The following EZH1 variants were observed in gnomAD, a reference collection of about 807,000 sequenced individuals.
EZH1 encodes the protein enhancer of zeste 1 polycomb repressive complex 2 subunit, also known as histone-lysine N-methyltransferase EZH1.
Under a neutral mutation model 100.5 loss-of-function variants are expected in EZH1, and 33 were observed. That is an observed-to-expected ratio of 0.33 (90% CI 0.25 to 0.44). EZH1 has a LOEUF of 0.44. EZH1 is among the 20% of genes least tolerant of loss of function. The pLI is 1.00. For missense variants in EZH1, 475 were observed against 928.4 expected (o/e 0.51, Z 6.35); for synonymous variants, 272 against 313.8 (o/e 0.87, Z 1.41).
rs1568000333 is a variant in EZH1, at chr17:42,727,627, A to C, written c.246+8T>G. On this transcript the variant is annotated splice_region_variant and intron_variant, in intron 4 of 20. Transcript: ENST00000428826. ...AGAGGAAGACTGAGCTTAAACTCCC[A>C]AAAGTACCTTTTTGAGAAAAGGGTG... 4.4e-6 allele frequency: 7 copies of C among 1,605,446 alleles called. No individual in the cohort carries two copies. Among genetic ancestry groups the C allele is most frequent in the Non-Finnish European group, 5.1e-6 (6 of 1,175,550 alleles).
intron 1 of EZH1, among the ~76,000 whole-genome samples, chr17:42,744,471 C>A (rs149102505): frequency 6.6e-6 from 1 of 152,280 alleles, no homozygotes; most frequent in African/African-American, 2.4e-5. Context: ...TTGCGCGACC[C>A]TGAGTCAGTG....
chr17:42,726,408 G>T (rs1160343953), intron 4 of EZH1, among the ~76,000 whole-genome samples: 2 of 151,536 alleles, frequency 1.3e-5, no homozygotes, highest in African/African-American at 4.9e-5. Context: ...TATTTCCCAG[G>T]TGTTGGAGGT....
In EZH1 at chr17:42,718,706, G is replaced by A. The variant is rs1235189898; in HGVS notation, c.768-89C>T. 1.5e-4 allele frequency: 203 copies of A among 1,375,606 alleles called. No homozygotes were observed. Among genetic ancestry groups the A allele is most frequent in the Non-Finnish European group, 2.0e-4 (199 of 989,670 alleles). 85.2% of individuals were successfully genotyped at this position (1,375,606 alleles called of 1,614,324 possible). The stretch of plus-strand genomic sequence containing the variant: ...TGGGTACTGACAGTAGCTCACCTAC[G>A]GTCTGCCAAGGGAGGATGGGTGTTT... On this transcript the variant is annotated intron_variant, in intron 8 of 20. Transcript: ENST00000428826. This position sits in a 1 kb window ranked among gnomAD's most constrained non-coding sequence, Gnocchi z 4.2.
At chr17:42,702,830 T>C (rs746027349) in intron 20 of EZH1, 47 bp downstream of exon 20, 25 of 1,598,604 alleles carry the variant, frequency 1.6e-5, no homozygotes, top group Non-Finnish European at 2.1e-5. Context: ...ACAGCCACTC[T>C]TTCCAATTCC....
chr17:42,721,286 G>A (rs1047745997), intron 6 of EZH1, among the ~76,000 whole-genome samples: 2 of 152,206 alleles, frequency 1.3e-5, no homozygotes, highest in Admixed American at 6.5e-5. Context: ...GTTGGTTTAT[G>A]AAGTGATGGA....
intron 1 of EZH1, among the ~76,000 whole-genome samples, chr17:42,742,753 C>A (rs2054199592): frequency 6.6e-6 from 1 of 152,136 alleles, no homozygotes; most frequent in Admixed American, 6.6e-5. Context: ...GGAGTTGATT[C>A]ATTATGTTTG....
chr17:42,730,986 G>A, intron 1 of EZH1, 68 bp from the exon 2 acceptor site: 1 of 676,246 alleles, frequency 1.5e-6, no homozygotes, highest in Non-Finnish European at 1.8e-6. Context: ...GACACCCTCA[G>A]TAGGATTTTC....
chr17:42,737,203 CTTG>C (rs1436337305), intron 1 of EZH1, among the ~76,000 whole-genome samples: 1 of 152,158 alleles, frequency 6.6e-6, no homozygotes, highest in Non-Finnish European at 1.5e-5. Flanking sequence ...CTAGGCTCGT[CTTG>C]AACTCCTGAC....
chr17:42,714,309 A>G (rs1019063566), intron 10 of EZH1: 1 of 243,070 alleles, frequency 4.1e-6, no homozygotes, highest in African/African-American at 2.3e-5. Context: ...ATGGTCCAGC[A>G]TTTGACATAC....
chr17:42,705,760 C>T lies in EZH1; in HGVS notation c.1839+247G>A, dbSNP rs530925875. ...GTCTCGAACTCTTGACCTCATGATC[C>T]GCTGGCCTCGGCCTCCCAAACTGCT... On this transcript the variant is annotated intron_variant, in intron 16 of 20. Coordinates refer to ENST00000428826, the MANE Select transcript of EZH1 (RefSeq NM_001991.5). The T allele has an allele frequency of 4.0e-5, 13 of 321,988 alleles. No individual in the cohort carries two copies. The East Asian group carries it at 6.5e-4, about 16-fold the overall frequency. The allele number at this position is 321,988 out of a possible 1,614,324, so 19.9% of individuals were successfully genotyped here.
intron 13 of EZH1, 149 bp from the exon 14 acceptor site, chr17:42,709,065 C>T: frequency 1.3e-6 from 1 of 797,234 alleles, no homozygotes; most frequent in South Asian, 1.6e-5. Flanking sequence ...CTTTGGTACA[C>T]AGAAGCTAGA....
chr17:42,704,523 G>A, intron 18 of EZH1, 79 bp downstream of exon 18: 2 of 1,172,062 alleles, frequency 1.7e-6, no homozygotes, highest in Non-Finnish European at 2.5e-6. Context: ...ACCCTAGCCT[G>A]GGCAACAGAG....
intron 1 of EZH1, among the ~76,000 whole-genome samples, chr17:42,736,511 A>G (rs531090260): frequency 6.6e-5 from 10 of 152,352 alleles, no homozygotes; most frequent in Admixed American, 5.9e-4. Context: ...AATAGTTTCT[A>G]TACATTCACA....
Position 42,713,270 on chromosome 17 carries a change from A to G in EZH1, c.1143T>C (p.Ala381=), listed in dbSNP as rs373770294. ...SCSNASASAV[A]ETKEGDSDRD... ...TGTCACTGTCTCCTTCTTTAGTCTC[A>G]GCCACAGCAGAGGCTGAGGCATTGG... Residue 381 remains alanine, a synonymous_variant, in exon 11 of 21, where the codon GCT becomes GCC. Transcript: ENST00000428826. 1.4e-5 allele frequency: 22 copies of G among 1,613,944 alleles called. No homozygotes were observed. The highest frequency in any genetic ancestry group is 3.3e-4 in the Middle Eastern group (2 of 6,084).
chr17:42,724,178 T>C, intron 5 of EZH1, 127 bp downstream of exon 5: 1 of 1,085,184 alleles, frequency 9.2e-7, no homozygotes, highest in South Asian at 1.5e-5. Flanking sequence ...AATTACAACC[T>C]TGTTCTGCCC....
Position 42,712,436 on chromosome 17 carries a change from G to T in EZH1, c.1254C>A (p.Ala418=). 2 of 1,614,156 alleles carry T rather than the reference G, an allele frequency of 1.2e-6. No homozygotes were observed. Among genetic ancestry groups the T allele is most frequent in the Middle Eastern group, 1.7e-4 (1 of 6,060 alleles). Residue 418 remains alanine, a synonymous_variant, in exon 12 of 21, where the codon GCC becomes GCA. Transcript: ENST00000428826. ...CTTCCACTACGCAGAGTTGAGGTGG[G>T]GCTGGACTAGCCTTCTGTTTTGTGG... ...QTPTKQKASP[A]PPQLCVVEAP...
intron 4 of EZH1, among the ~76,000 whole-genome samples, chr17:42,727,332 A>G (rs2053840519): frequency 6.6e-6 from 1 of 152,056 alleles, no homozygotes; most frequent in Non-Finnish European, 1.5e-5. Flanking sequence ...AGTTTATTTC[A>G]GCCTTGAACT....
In EZH1 at chr17:42,712,399, G is replaced by C; in HGVS notation, c.1291C>G (p.Pro431Ala). ...QLCVVEAPSE[P>A]VEWTGAEESL... is the part of the protein sequence containing the mutation. ...TCTTCAGCCCCAGTCCATTCCACAG[G>C]CTCCGAGGGTGCTTCCACTACGCAG... Residue 431 changes from proline to alanine, a missense_variant, in exon 12 of 21, where the codon CCT (proline) becomes GCT (alanine). Physicochemically the swap from Pro to Ala is conservative, Grantham distance 27. Around this residue, in one of 8 missense-constraint regions of EZH1, gnomAD observed 83 missense variants for 142.1 expected, o/e 0.58. Coordinates refer to ENST00000428826, the MANE Select transcript of EZH1 (RefSeq NM_001991.5). 6.2e-7 allele frequency: 1 copy of C among 1,614,194 alleles called. No individual in the cohort carries two copies. Among genetic ancestry groups the C allele is most frequent in the African/African-American group, 1.3e-5 (1 of 75,052 alleles).
intron 12 of EZH1, 75 bp from the exon 13 acceptor site, chr17:42,710,012 C>T: frequency 7.5e-7 from 1 of 1,325,472 alleles, no homozygotes; most frequent in Non-Finnish European, 1.1e-6. Context: ...GGGTGCTGGC[C>T]TTGGGAGGGT....
Sources: allele counts gnomAD v4.1 joint callset (sites outside exome capture counted in the v4.1 genomes callset), GRCh38; gene constraint gnomAD v4.1.1; regional missense constraint gnomAD v4.1.1; non-coding constraint Gnocchi (gnomAD v3.1); transcripts MANE v1.5; gene names NCBI Gene and HGNC (gene_info 2026-07-23, HGNC 2026-07-21).